SNX27: variants seen among roughly 807,000 people sequenced by gnomAD.
SNX27 encodes the protein sorting nexin 27.
A neutral mutation model predicts 71.6 loss-of-function variants in SNX27; 22 were observed. The observed-to-expected ratio is 0.31, with a 90% CI of 0.22 to 0.44. The LOEUF is 0.44. Among genes scored for constraint, SNX27 ranks in the 20% least tolerant of loss-of-function variants. The pLI is 1.00. For missense variants in SNX27, 531 were observed against 698.6 expected (o/e 0.76, Z 2.70); for synonymous variants, 269 against 277.2 (o/e 0.97, Z 0.29).
At chr1:151,685,961 G>A (rs1247268505) in intron 8 of SNX27, among the ~76,000 whole-genome samples, 2 of 152,088 alleles carry the variant, frequency 1.3e-5, no homozygotes, top group Non-Finnish European at 2.9e-5. Flanking sequence ...TTTAAAACAC[G>A]ACTTCCACCT....
At chr1:151,670,426 T>C (rs1468443305) in intron 7 of SNX27, among the ~76,000 whole-genome samples, 1 of 152,232 alleles carries the variant, frequency 6.6e-6, no homozygotes, top group Non-Finnish European at 1.5e-5. Flanking sequence ...GTGGGATTGC[T>C]GGATCGTATG....
intron 2 of SNX27, among the ~76,000 whole-genome samples, chr1:151,657,542 A>G (rs547114999): frequency 2.0e-5 from 3 of 152,266 alleles, no homozygotes; most frequent in African/African-American, 7.2e-5. Flanking sequence ...CACGAGTATC[A>G]GTTACATTGC....
rs1222380314 is a variant in SNX27, at chr1:151,697,075, A to G, written c.*2658A>G. ...AAATCTAGGTGAAATCACAGAGTAC[A>G]AAACGTGAGAATGCTGAATGTGTAA... is the stretch of plus-strand genomic sequence containing the variant. On this transcript the variant is annotated 3_prime_UTR_variant, in exon 12 of 12. Transcript: ENST00000458013. 1 of 152,226 alleles carries G rather than the reference A, an allele frequency of 6.6e-6. No homozygotes were observed. Among genetic ancestry groups the G allele is most frequent in the Non-Finnish European group, 1.5e-5 (1 of 68,046 alleles). The allele number at this position is 152,226 out of a possible 1,614,324, so 9.4% of individuals were successfully genotyped here. A position where few individuals can be genotyped will look rare whatever the true frequency, so the allele number is the denominator to read the frequency against.
At chr1:151,614,523 T>C (rs1225074425) in intron 1 of SNX27, 1 of 152,228 alleles carries the variant, frequency 6.6e-6, no homozygotes, top group East Asian at 1.9e-4. Flanking sequence ...GGTTTCACCA[T>C]GTTGGCCAGG....
At chr1:151,669,060 GGTTTGTTT>G (rs963629767) in intron 7 of SNX27, 1 of 152,674 alleles carries the variant, frequency 6.5e-6, no homozygotes, top group African/African-American at 2.4e-5. Context: ...GTTTTTTATT[GGTTTGTTT>G]GTTTGTTTGT....
intron 5 of SNX27, among the ~76,000 whole-genome samples, chr1:151,663,400 T>C (rs12751044): frequency 0.19 from 29,050 of 152,108 alleles, 3,131 homozygotes; most frequent in Middle Eastern, 0.34. Context: ...TCCTCCTGCA[T>C]TGGCCTCCCA....
chr1:151,670,876 G>T (rs531225618), intron 7 of SNX27, among the ~76,000 whole-genome samples: 1 of 152,236 alleles, frequency 6.6e-6, no homozygotes, highest in East Asian at 1.9e-4. Context: ...ATGTCCTGGA[G>T]AGTTTCCCTG....
chr1:151,620,533 A>G (rs1332487142), intron 1 of SNX27, among the ~76,000 whole-genome samples: 1 of 152,144 alleles, frequency 6.6e-6, no homozygotes, highest in Non-Finnish European at 1.5e-5. Flanking sequence ...TTATTTCACA[A>G]TCGAATCCAG....
intron 2 of SNX27, among the ~76,000 whole-genome samples, chr1:151,653,928 G>A (rs1207996248): frequency 6.6e-6 from 1 of 151,526 alleles, no homozygotes; most frequent in Admixed American, 6.6e-5. Flanking sequence ...CACCTCCTGG[G>A]TTCAAGTGAT....
intron 5 of SNX27, among the ~76,000 whole-genome samples, chr1:151,664,101 TATA>T (rs1393746469): frequency 6.8e-6 from 1 of 147,570 alleles, no homozygotes; most frequent in East Asian, 1.9e-4. Context: ...TATATATAAA[TATA>T]ATTATATATA....
chr1:151,646,876 G>GACAC (rs1402983901), intron 2 of SNX27, among the ~76,000 whole-genome samples: 1 of 39,016 alleles, frequency 2.6e-5, no homozygotes, highest in Non-Finnish European at 4.2e-5. Context: ...GCCCAGGCTG[G>GACAC]ACACAGACAC....
Position 151,692,512 on chromosome 1 carries a change from G to A in SNX27, c.1317G>A (p.Lys439=). 4 of 1,603,666 alleles carry A rather than the reference G, an allele frequency of 2.5e-6. No homozygotes were observed. The highest frequency in any genetic ancestry group is 2.6e-6 in the Non-Finnish European group (3 of 1,174,956). The change falls in exon 9 of 12, where the codon AAG becomes AAA. Residue 439 remains lysine, a synonymous_variant. Transcript: ENST00000458013. Reference sequence around the variant, plus strand: ...ACTGTGCCTGTGACTCCAGGAGGAAGGGGCACGTTATCACAGCCATCAGCA... The same window carrying A: ...ACTGTGCCTGTGACTCCAGGAGGAAAGGGCACGTTATCACAGCCATCAGCA... The part of the protein sequence containing the change: ...FPHCACDSRR[K]GHVITAISIT...
At chr1:151,666,798 TA>T (rs1243233939) in intron 6 of SNX27, 2 of 152,210 alleles carry the variant, frequency 1.3e-5, no homozygotes, top group East Asian at 3.8e-4. Context: ...ATCTCCCTAA[TA>T]TTTTTTTTCT....
At chr1:151,638,788 T>A in intron 1 of SNX27, 100 bp from the exon 2 acceptor site, 1 of 1,042,440 alleles carries the variant, frequency 9.6e-7, no homozygotes, top group Non-Finnish European at 1.5e-6. Context: ...ACTTCATGGT[T>A]CATACCGTGT....
chr1:151,644,612 C>T (rs995366471), intron 2 of SNX27, among the ~76,000 whole-genome samples: 1 of 151,962 alleles, frequency 6.6e-6, no homozygotes, highest in African/African-American at 2.4e-5. Context: ...TATGTGTTTT[C>T]ATTTTTCTTG....
intron 1 of SNX27, among the ~76,000 whole-genome samples, chr1:151,626,499 C>A (rs1042058116): frequency 7.2e-5 from 11 of 152,148 alleles, no homozygotes; most frequent in Non-Finnish European, 1.6e-4. Flanking sequence ...TTCAAGAGAT[C>A]AAGACCATCC....
At chr1:151,643,702 T>A (rs1668894123) in intron 2 of SNX27, among the ~76,000 whole-genome samples, 2 of 150,986 alleles carry the variant, frequency 1.3e-5, no homozygotes, top group South Asian at 4.2e-4. Flanking sequence ...CTCTTGTTGC[T>A]CAGGCTAGAG....
chr1:151,637,667 C>A (rs985280107), intron 1 of SNX27, among the ~76,000 whole-genome samples: 1 of 151,956 alleles, frequency 6.6e-6, no homozygotes, highest in African/African-American at 2.4e-5. Flanking sequence ...ATTGTTAAAC[C>A]CTAAATTAAA....
intron 7 of SNX27, among the ~76,000 whole-genome samples, chr1:151,674,089 T>G (rs542816214): frequency 6.6e-6 from 1 of 152,304 alleles, no homozygotes; most frequent in South Asian, 2.1e-4. Context: ...GTTACTTGTT[T>G]TATGGTCGTT....
Sources: gnomAD v4.1 joint callset for allele counts (sites outside exome capture counted in the v4.1 genomes callset) on GRCh38, gnomAD v4.1.1 for gene constraint, MANE v1.5 for transcripts, NCBI Gene and HGNC (gene_info 2026-07-23, HGNC 2026-07-21) for gene names.